SYT2: variants seen among roughly 807,000 people sequenced by gnomAD.
The protein encoded by SYT2 is synaptotagmin-2.
In SYT2, 15 loss-of-function variants were observed where a neutral mutation model predicts 39.9. The observed-to-expected ratio is 0.38, with a 90% CI of 0.25 to 0.58. The LOEUF (loss-of-function observed/expected upper bound fraction) is 0.58, where lower values mean the gene tolerates loss of function less well. Among genes scored for constraint, SYT2 ranks in the 20% least tolerant of loss-of-function variants. The pLI is 0.70. For missense variants in SYT2, 389 were observed against 530.3 expected (o/e 0.73, Z 2.62); for synonymous variants, 181 against 204.5 (o/e 0.89, Z 0.98).
At chr1:202,663,182 C>A (rs1692416851) in intron 1 of SYT2, among the ~76,000 whole-genome samples, 1 of 152,190 alleles carries the variant, frequency 6.6e-6, no homozygotes, top group South Asian at 2.1e-4. Flanking sequence ...CTCAAGCCAG[C>A]CACCCTTTGC....
In SYT2 at chr1:202,695,252, G is replaced by A. The variant is rs537545417; in HGVS notation, c.-18+15006C>T. On this transcript the variant is annotated intron_variant, in intron 1 of 8. Transcript: ENST00000367268. ...ACACACAGGGAGACCTGTGACCCCTGGTAACAACAAAAAGTCTAAGGACAC... is the reference window on the plus strand; with the variant it reads ...ACACACAGGGAGACCTGTGACCCCTAGTAACAACAAAAAGTCTAAGGACAC... Among the ~76,000 whole-genome samples, 10 of 152,182 alleles carry A rather than the reference G, an allele frequency of 6.6e-5. No homozygotes were observed. In the East Asian group the frequency reaches 1.7e-3, roughly 27 times the overall value.
At chr1:202,662,720 C>T (rs1462485811) in intron 1 of SYT2, among the ~76,000 whole-genome samples, 2 of 152,202 alleles carry the variant, frequency 1.3e-5, no homozygotes, top group African/African-American at 4.8e-5. Context: ...AAAGCCTGGT[C>T]CCATCGTTAG....
rs1038514621 is a variant in SYT2, at chr1:202,623,929, C to T, written c.-17-18140G>A. ...CTCATGTGAGGCACACAGCACCTTC[C>T]AGCACAGTCCCGATATCTTTCATGC... On this transcript the variant is annotated intron_variant, in intron 1 of 8. Transcript: ENST00000367268. The surrounding 1 kb of genome is among the most constrained non-coding windows in gnomAD (Gnocchi z 4.2). 2.0e-5 allele frequency among the ~76,000 whole-genome samples: 3 copies of T among 152,206 alleles called. No homozygotes were observed. Among genetic ancestry groups the T allele is most frequent in the Non-Finnish European group, 2.9e-5 (2 of 68,038 alleles).
chr1:202,637,415 C>G (rs1196564810), intron 1 of SYT2, among the ~76,000 whole-genome samples: 2 of 152,216 alleles, frequency 1.3e-5, no homozygotes, highest in African/African-American at 2.4e-5. Context: ...GCACACGAGT[C>G]GGCTCAGGAC....
At chr1:202,642,103 C>T (rs1372570908) in intron 1 of SYT2, among the ~76,000 whole-genome samples, 5 of 152,134 alleles carry the variant, frequency 3.3e-5, no homozygotes, top group Admixed American at 3.3e-4. Flanking sequence ...ACCTCAGATA[C>T]CTTAAATTCC....
intron 1 of SYT2, among the ~76,000 whole-genome samples, chr1:202,685,829 G>T (rs1384462807): frequency 1.3e-5 from 2 of 152,114 alleles, no homozygotes; most frequent in Non-Finnish European, 2.9e-5. Flanking sequence ...AGGGAAACAG[G>T]CTCACATTGC....
chr1:202,642,752 G>A (rs1040456835), intron 1 of SYT2, among the ~76,000 whole-genome samples: 3 of 152,148 alleles, frequency 2.0e-5, no homozygotes, highest in African/African-American at 7.2e-5. Context: ...AGTGTCGCGC[G>A]AGCATGGTCT....
At position 202,605,745 on chromosome 1, in the gene SYT2, C is replaced by T. The variant is rs758876808; in HGVS notation, c.28G>A (p.Glu10Lys). ...GTGGTGGCAGGAGCCACAATAGGCT[C>T]CTGGTTCCTCTTGAAAATGTTCCTC... is the stretch of plus-strand genomic sequence containing the variant. MRNIFKRNQ[E>K]PIVAPATTTA... The change falls in exon 2 of 9, where the codon GAG becomes AAG. Residue 10 changes from glutamate (E) to lysine (K), a missense_variant. Glu to Lys is a moderately conservative substitution (Grantham distance 56). This residue lies in a region of SYT2 where 280 missense variants were observed against 335.6 expected (regional missense o/e 0.83). Coordinates refer to ENST00000367268, the MANE Select transcript of SYT2 (RefSeq NM_177402.5). The T allele has an allele frequency of 5.0e-6, 8 of 1,613,992 alleles. No homozygotes were observed. The highest frequency in any genetic ancestry group is 1.3e-5 in the African/African-American group (1 of 74,906).
chr1:202,691,680 CGAGGGGGAGAGG>C (rs1424499629), intron 1 of SYT2, among the ~76,000 whole-genome samples: 3 of 73,074 alleles, frequency 4.1e-5, no homozygotes, highest in African/African-American at 1.9e-4. Flanking sequence ...GGGGAGGGAG[CGAGGGGGAGAGG>C]GAGAGGGAGA....
intron 1 of SYT2, among the ~76,000 whole-genome samples, chr1:202,629,879 G>GA (rs1364811014): frequency 1.0e-5 from 1 of 97,362 alleles, no homozygotes; most frequent in Non-Finnish European, 2.0e-5. Flanking sequence ...GGGGGGGGGG[G>GA]GTGGTACGGC....
At chr1:202,648,864 C>T (rs1366416064) in intron 1 of SYT2, among the ~76,000 whole-genome samples, 1 of 152,224 alleles carries the variant, frequency 6.6e-6, no homozygotes, top group Non-Finnish European at 1.5e-5. Flanking sequence ...AGAGACCCTC[C>T]AGCTTGGGCA....
chr1:202,662,152 G>A (rs771941902), intron 1 of SYT2, among the ~76,000 whole-genome samples: 2 of 152,208 alleles, frequency 1.3e-5, no homozygotes, highest in Non-Finnish European at 2.9e-5. Context: ...AATTACCCAA[G>A]CACATGGTAT....
intron 3 of SYT2, 67 bp from the exon 4 acceptor site, chr1:202,603,185 G>T: frequency 6.3e-7 from 1 of 1,584,650 alleles, no homozygotes. Context: ...GCTTAGCACA[G>T]GATGACGGGA....
chr1:202,672,141 C>T (rs1303835989), intron 1 of SYT2, among the ~76,000 whole-genome samples: 10 of 152,160 alleles, frequency 6.6e-5, no homozygotes. Context: ...AGCAAATAGC[C>T]AGAAACTGTA....
Position 202,710,242 on chromosome 1 carries a change from G to A in SYT2, c.-18+16C>T, listed in dbSNP as rs540736340. The A allele has an allele frequency of 2.6e-5, 4 of 152,478 alleles. No individual in the cohort carries two copies. The highest frequency in any genetic ancestry group is 7.2e-5 in the African/African-American group (3 of 41,592). The allele number at this position is 152,478 out of a possible 1,614,324, so 9.4% of individuals were successfully genotyped here. On this transcript the variant is annotated intron_variant, in intron 1 of 8. Coordinates refer to ENST00000367268, the MANE Select transcript of SYT2 (RefSeq NM_177402.5). ...GAGGGAGGTCCGTGCCCCCACCGGC[G>A]GGGGTATGGACTTACCGGAGAGCGA... is the stretch of plus-strand genomic sequence containing the variant.
At chr1:202,603,774 C>T (rs566139171) in intron 3 of SYT2, among the ~76,000 whole-genome samples, 3 of 152,200 alleles carry the variant, frequency 2.0e-5, no homozygotes, top group African/African-American at 7.2e-5. Context: ...AGGACATATA[C>T]ACACACACAT....
chr1:202,704,544 G>T (rs969846467), intron 1 of SYT2, among the ~76,000 whole-genome samples: 1 of 151,986 alleles, frequency 6.6e-6, no homozygotes, highest in African/African-American at 2.4e-5. Context: ...GTCCCATAGG[G>T]ATCTGACTTC....
chr1:202,642,429 G>C (rs1287749846), intron 1 of SYT2, among the ~76,000 whole-genome samples: 1 of 152,030 alleles, frequency 6.6e-6, no homozygotes, highest in Non-Finnish European at 1.5e-5. Flanking sequence ...ATTCAGAGAG[G>C]TGCAGTAGCT....
chr1:202,664,745 C>T (rs1025322499), intron 1 of SYT2, among the ~76,000 whole-genome samples: 15 of 152,164 alleles, frequency 9.9e-5, no homozygotes, highest in African/African-American at 3.4e-4. Context: ...CTGCAACCTC[C>T]GCCTCCTGAG....
Sources: allele counts gnomAD v4.1 joint callset (sites outside exome capture counted in the v4.1 genomes callset), GRCh38; gene constraint gnomAD v4.1.1; regional missense constraint gnomAD v4.1.1; non-coding constraint Gnocchi (gnomAD v3.1); transcripts MANE v1.5; gene names NCBI Gene and HGNC (gene_info 2026-07-23, HGNC 2026-07-21).